Variants in OSBP2 observed in about 807,000 individuals in gnomAD.
The protein encoded by OSBP2 is oxysterol-binding protein 2.
In OSBP2, 66 loss-of-function variants were observed where a neutral mutation model predicts 96.0. That is an observed-to-expected ratio of 0.69 (90% CI 0.56 to 0.84). OSBP2 has a LOEUF of 0.84. Among genes scored for constraint, OSBP2 ranks in the 40% least tolerant of loss-of-function variants. The probability of loss-of-function intolerance (pLI) is 0.00; values close to 1 mark genes in which losing one functional copy is unlikely to be tolerated. For synonymous variants in OSBP2, 525 were observed against 520.9 expected (o/e 1.01, Z -0.11); for missense variants, 1,038 against 1,222.7 (o/e 0.85, Z 2.25).
intron 2 of OSBP2, among the ~76,000 whole-genome samples, chr22:30,810,188 C>G (rs539137056): frequency 5.9e-4 from 90 of 152,156 alleles, no homozygotes; most frequent in African/African-American, 2.1e-3. Context: ...AGGACTGACT[C>G]ATGTCCTCAA....
At chr22:30,889,133 C>T (rs1602421162) in intron 5 of OSBP2, 44 bp from the exon 6 acceptor site, 2 of 1,584,088 alleles carry the variant, frequency 1.3e-6, no homozygotes, top group East Asian at 2.2e-5. Flanking sequence ...CCCAAGGAGA[C>T]CTCGGGATTC....
intron 1 of OSBP2, among the ~76,000 whole-genome samples, chr22:30,732,034 T>G (rs552516957): frequency 6.6e-6 from 1 of 152,346 alleles, no homozygotes; most frequent in African/African-American, 2.4e-5. Flanking sequence ...CTAGGCACAG[T>G]GGCTCATGCC....
At chr22:30,763,609 G>A (rs1489250179) in intron 2 of OSBP2, among the ~76,000 whole-genome samples, 1 of 148,262 alleles carries the variant, frequency 6.7e-6, no homozygotes, top group Non-Finnish European at 1.5e-5. Flanking sequence ...TTGAGCCACT[G>A]CTCTCCAGCC....
chr22:30,860,954 T>C (rs1004791545), intron 2 of OSBP2, among the ~76,000 whole-genome samples: 1 of 152,178 alleles, frequency 6.6e-6, no homozygotes, highest in Admixed American at 6.5e-5. Flanking sequence ...GAGCGAAGTA[T>C]GCAGCTCTAG....
chr22:30,797,523 C>T (rs2090781448), intron 2 of OSBP2, among the ~76,000 whole-genome samples: 1 of 152,000 alleles, frequency 6.6e-6, no homozygotes, highest in South Asian at 2.1e-4. Context: ...ACCTCGCGAT[C>T]AGCCCACCTC....
chr22:30,696,471 G>A (rs982858568), intron 1 of OSBP2, among the ~76,000 whole-genome samples: 1 of 152,094 alleles, frequency 6.6e-6, no homozygotes, highest in East Asian at 1.9e-4. Context: ...CCTGAGATTC[G>A]GATTTTCTAA....
chr22:30,789,576 C>G (rs1342425314), intron 2 of OSBP2, among the ~76,000 whole-genome samples: 2 of 152,088 alleles, frequency 1.3e-5, no homozygotes, highest in Non-Finnish European at 2.9e-5. Flanking sequence ...ATATAAAAAT[C>G]AGAAAAAAAC....
chr22:30,878,745 T>G (rs1260165465), intron 3 of OSBP2, among the ~76,000 whole-genome samples: 1 of 152,112 alleles, frequency 6.6e-6, no homozygotes, highest in Non-Finnish European at 1.5e-5. Flanking sequence ...GAGACACACT[T>G]TGGTGCCTGC....
At chr22:30,843,455 C>CA (rs763119538) in intron 2 of OSBP2, among the ~76,000 whole-genome samples, 1 of 150,272 alleles carries the variant, frequency 6.7e-6, no homozygotes, top group Non-Finnish European at 1.5e-5. Flanking sequence ...CCCCCCTCCC[C>CA]CTTGAGCAAT....
At chr22:30,843,454 C>G (rs368919568) in intron 2 of OSBP2, among the ~76,000 whole-genome samples, 10 of 104,060 alleles carry the variant, frequency 9.6e-5, no homozygotes, top group African/African-American at 3.1e-4. Context: ...TCCCCCCTCC[C>G]CCTTGAGCAA....
intron 1 of OSBP2, among the ~76,000 whole-genome samples, chr22:30,715,555 T>C (rs983936648): frequency 3.8e-5 from 1 of 26,622 alleles, no homozygotes; most frequent in African/African-American, 7.7e-5. Context: ...ATTTTTAGAT[T>C]TTTTTTTTTT....
At chr22:30,823,474 CAG>C (rs1337025292) in intron 2 of OSBP2, among the ~76,000 whole-genome samples, 3 of 152,228 alleles carry the variant, frequency 2.0e-5, no homozygotes, top group Admixed American at 6.5e-5. Context: ...TTAAAAGACA[CAG>C]AGGCGGTTAA....
At chr22:30,822,432 C>T (rs2038293761) in intron 2 of OSBP2, 4 of 1,071,894 alleles carry the variant, frequency 3.7e-6, no homozygotes, top group Middle Eastern at 6.8e-4. Flanking sequence ...GCTCGGCTCC[C>T]GCGGCGCGGA....
intron 1 of OSBP2, among the ~76,000 whole-genome samples, chr22:30,724,837 C>A (rs2089614870): frequency 6.6e-6 from 1 of 152,120 alleles, no homozygotes; most frequent in African/African-American, 2.4e-5. Context: ...GGACAGATAT[C>A]CCAGTGTGCT....
intron 2 of OSBP2, among the ~76,000 whole-genome samples, chr22:30,796,787 C>T (rs1055392266): frequency 1.3e-5 from 2 of 152,164 alleles, no homozygotes; most frequent in African/African-American, 4.8e-5. Context: ...GGATTACAGG[C>T]GTGAGCCACG....
chr22:30,756,510 C>T (rs1009876828), intron 2 of OSBP2, among the ~76,000 whole-genome samples: 5 of 152,154 alleles, frequency 3.3e-5, no homozygotes, highest in African/African-American at 7.2e-5. Flanking sequence ...CTGACCAATA[C>T]GGTGAAACCC....
chr22:30,792,577 G>C (rs2090691194), intron 2 of OSBP2, among the ~76,000 whole-genome samples: 1 of 152,130 alleles, frequency 6.6e-6, no homozygotes, highest in African/African-American at 2.4e-5. Flanking sequence ...ATCTGGTCTT[G>C]CCACCAGCAT....
chr22:30,810,858 T>A (rs2090996901), intron 2 of OSBP2, among the ~76,000 whole-genome samples: 1 of 152,134 alleles, frequency 6.6e-6, no homozygotes, highest in Non-Finnish European at 1.5e-5. Context: ...CAAGGAGTAT[T>A]CTTCTATATG....
rs1358203756 is a variant in OSBP2, at chr22:30,871,149, G to A, written c.1107+467G>A. 4.6e-5 allele frequency among the ~76,000 whole-genome samples: 7 copies of A among 152,106 alleles called. No individual in the cohort carries two copies. The highest frequency in any genetic ancestry group is 8.8e-5 in the Non-Finnish European group (6 of 68,010). ...GGTGTGGTGGGGGGCTGCAGTCGAG[G>A]GCTCCCTGAGCTAGAAGGGCCTCAG... On this transcript the variant is annotated intron_variant, in intron 3 of 13. Coordinates refer to ENST00000332585, the MANE Select transcript of OSBP2 (RefSeq NM_030758.4). This position sits in a 1 kb window ranked among gnomAD's most constrained non-coding sequence, Gnocchi z 4.7.
Sources: allele counts gnomAD v4.1 joint callset (sites outside exome capture counted in the v4.1 genomes callset), GRCh38; gene constraint gnomAD v4.1.1; non-coding constraint Gnocchi (gnomAD v3.1); transcripts MANE v1.5; gene names NCBI Gene and HGNC (gene_info 2026-07-23, HGNC 2026-07-21).